Variants in HCN1 observed in about 807,000 individuals in gnomAD.
The protein encoded by HCN1 is hyperpolarization activated cyclic nucleotide gated potassium channel 1, also known as potassium/sodium hyperpolarization-activated cyclic nucleotide-gated channel 1.
HCN1 carries 13 observed loss-of-function variants against 78.9 expected under a neutral mutation model. The ratio of observed to expected loss-of-function variants is 0.16; its 90% CI spans 0.11 to 0.26. The LOEUF is 0.26. Ranked by LOEUF, HCN1 falls within the 10% of genes least tolerant of loss-of-function variation. The pLI, the probability that HCN1 is intolerant of heterozygous loss-of-function variation, is 1.00. For missense variants in HCN1, 810 were observed against 1,154.3 expected (o/e 0.70, Z 4.32); for synonymous variants, 552 against 455.5 (o/e 1.21, Z -2.70).
chr5:45,613,347 T>A (rs1306781946), intron 2 of HCN1, among the ~76,000 whole-genome samples: 1 of 152,074 alleles, frequency 6.6e-6, no homozygotes, highest in South Asian at 2.1e-4. Flanking sequence ...TCATTTTTTA[T>A]GGCTGCATAG....
intron 2 of HCN1, among the ~76,000 whole-genome samples, chr5:45,521,593 T>A (rs941529700): frequency 1.3e-5 from 2 of 151,958 alleles, no homozygotes; most frequent in African/African-American, 4.8e-5. Flanking sequence ...AGGATACCAG[T>A]CATGCTGGAT....
intron 6 of HCN1, among the ~76,000 whole-genome samples, chr5:45,290,510 C>T (rs934019435): frequency 4.6e-5 from 7 of 151,996 alleles, no homozygotes; most frequent in Middle Eastern, 3.2e-3. Flanking sequence ...TTTATGACTT[C>T]TGTTAAGAAT....
At chr5:45,665,728 A>C (rs2112067879) in intron 1 of HCN1, among the ~76,000 whole-genome samples, 1 of 152,218 alleles carries the variant, frequency 6.6e-6, no homozygotes, top group African/African-American at 2.4e-5. Context: ...TTCAAAACCC[A>C]TATGGTGTCA....
At chr5:45,652,575 C>A (rs1745694513) in intron 1 of HCN1, among the ~76,000 whole-genome samples, 1 of 151,920 alleles carries the variant, frequency 6.6e-6, no homozygotes, top group South Asian at 2.1e-4. Flanking sequence ...TTAACCTCTA[C>A]TATGAAGTTA....
chr5:45,692,562 A>G (rs1739935048), intron 1 of HCN1, among the ~76,000 whole-genome samples: 1 of 152,192 alleles, frequency 6.6e-6, no homozygotes, highest in Non-Finnish European at 1.5e-5. Flanking sequence ...TACCTATACT[A>G]TTGGACTGCT....
intron 6 of HCN1, among the ~76,000 whole-genome samples, chr5:45,292,309 T>C (rs980384127): frequency 1.3e-5 from 2 of 152,028 alleles, no homozygotes; most frequent in African/African-American, 4.8e-5. Context: ...TTAAAATGAT[T>C]ATAATAAATA....
intron 6 of HCN1, among the ~76,000 whole-genome samples, chr5:45,292,850 A>T (rs1269927046): frequency 6.6e-6 from 1 of 152,024 alleles, no homozygotes; most frequent in Non-Finnish European, 1.5e-5. Context: ...AAATGTTCTT[A>T]CTGAGTGTTG....
intron 2 of HCN1, among the ~76,000 whole-genome samples, chr5:45,599,334 T>C (rs2111960838): frequency 6.7e-6 from 1 of 150,232 alleles, no homozygotes; most frequent in East Asian, 2.0e-4. Flanking sequence ...CCACATGTTC[T>C]CACTCATGGG....
chr5:45,503,822 G>T (rs1344133138), intron 2 of HCN1, among the ~76,000 whole-genome samples: 2 of 138,084 alleles, frequency 1.4e-5, no homozygotes, highest in Non-Finnish European at 3.0e-5. Flanking sequence ...TTTCATGCTT[G>T]TTGCCCAGGC....
Position 45,255,833 on chromosome 5 carries a change from C to T in HCN1, c.*6088G>A, listed in dbSNP as rs1448220044. The stretch of plus-strand genomic sequence containing the variant: ...AAACCTTTCAAGAAAGTCTCTTTGC[C>T]TCTACACATCTGAATATTCTCTGTA... On this transcript the variant is annotated 3_prime_UTR_variant, in exon 8 of 8. Transcript: ENST00000303230. 1 of 151,964 alleles carries T rather than the reference C, an allele frequency of 6.6e-6. No homozygotes were observed. The highest frequency in any genetic ancestry group is 1.5e-5 in the Non-Finnish European group (1 of 67,990). The allele number at this position is 151,964 out of a possible 1,614,324, so 9.4% of individuals were successfully genotyped here.
intron 2 of HCN1, among the ~76,000 whole-genome samples, chr5:45,482,836 C>T (rs1459116576): frequency 6.6e-6 from 1 of 152,110 alleles, no homozygotes; most frequent in Non-Finnish European, 1.5e-5. Context: ...TTAGCTCCCA[C>T]TTGTAAGTGA....
intron 1 of HCN1, among the ~76,000 whole-genome samples, chr5:45,686,872 C>T (rs942754303): frequency 2.6e-5 from 4 of 152,170 alleles, no homozygotes; most frequent in Non-Finnish European, 4.4e-5. Flanking sequence ...ACTCCTGGGA[C>T]TTCAGGTTTC....
chr5:45,535,019 T>A (rs558521738), intron 2 of HCN1, among the ~76,000 whole-genome samples: 1 of 152,288 alleles, frequency 6.6e-6, no homozygotes, highest in African/African-American at 2.4e-5. Context: ...AAATAAAACA[T>A]CAGCATTCTT....
intron 2 of HCN1, chr5:45,574,609 C>T (rs767808846): frequency 3.3e-5 from 5 of 152,190 alleles, no homozygotes; most frequent in Non-Finnish European, 5.9e-5. Flanking sequence ...ACATCTCTCA[C>T]GTTAAATCAA....
intron 7 of HCN1, 37 bp downstream of exon 7, chr5:45,267,052 T>C (rs758354258): frequency 6.4e-7 from 1 of 1,555,458 alleles, no homozygotes; most frequent in Non-Finnish European, 8.9e-7. Context: ...TGCCAGGAGA[T>C]TAAATTTTAT....
chr5:45,330,887 A>G (rs1324172739), intron 5 of HCN1, among the ~76,000 whole-genome samples: 3 of 151,262 alleles, frequency 2.0e-5, no homozygotes, highest in Non-Finnish European at 4.4e-5. Context: ...TAATATTGAG[A>G]TAATTTCTAA....
intron 3 of HCN1, among the ~76,000 whole-genome samples, chr5:45,433,766 A>G (rs1177288316): frequency 6.6e-6 from 1 of 152,150 alleles, no homozygotes; most frequent in Non-Finnish European, 1.5e-5. Flanking sequence ...CAAACTAGAT[A>G]ATTTTATTTC....
chr5:45,414,194 C>A (rs1014397104), intron 3 of HCN1, among the ~76,000 whole-genome samples: 2 of 151,972 alleles, frequency 1.3e-5, no homozygotes, highest in African/African-American at 4.8e-5. Flanking sequence ...GAAAATCTTA[C>A]ATAGTCTTAC....
intron 4 of HCN1, among the ~76,000 whole-genome samples, chr5:45,367,834 T>C (rs1747267319): frequency 6.6e-6 from 1 of 151,838 alleles, no homozygotes; most frequent in African/African-American, 2.4e-5. Flanking sequence ...CAGCAATAAT[T>C]GAGAGCAGCT....
Sources: allele counts gnomAD v4.1 joint callset (sites outside exome capture counted in the v4.1 genomes callset), GRCh38; gene constraint gnomAD v4.1.1; transcripts MANE v1.5; gene names NCBI Gene and HGNC (gene_info 2026-07-23, HGNC 2026-07-21).